Variants in PEPD observed in about 807,000 individuals in gnomAD.
The protein encoded by PEPD is xaa-Pro dipeptidase.
In PEPD, 53 loss-of-function variants were observed where a neutral mutation model predicts 60.7. That is an observed-to-expected ratio of 0.87 (90% CI 0.70 to 1.10). The LOEUF is 1.10. Among genes scored for constraint, PEPD ranks in the 50% least tolerant of loss-of-function variants. The pLI is 0.00. For missense variants in PEPD, 711 were observed against 711.9 expected (o/e 1.00, Z 0.01); for synonymous variants, 267 against 284.1 (o/e 0.94, Z 0.60).
At chr19:33,398,716 G>A (rs998350614) in intron 12 of PEPD, among the ~76,000 whole-genome samples, 1 of 152,268 alleles carries the variant, frequency 6.6e-6, no homozygotes, top group African/African-American at 2.4e-5. Context: ...CGACTGCTTC[G>A]TGGAGGCTGG....
chr19:33,432,010 A>AAAAAAAAAAAAAG (rs1031542443), intron 9 of PEPD, among the ~76,000 whole-genome samples: 2 of 147,502 alleles, frequency 1.4e-5, no homozygotes, highest in African/African-American at 5.1e-5. Flanking sequence ...AAAAAAAAAA[A>AAAAAAAAAAAAAG]GGGAAGATTA....
intron 3 of PEPD, 36 bp from the exon 4 acceptor site, chr19:33,501,037 C>T (rs776897873): frequency 2.1e-5 from 28 of 1,316,622 alleles, no homozygotes; most frequent in African/African-American, 2.9e-5. Flanking sequence ...AGGGTCAGGG[C>T]TTGGTAATGG....
intron 4 of PEPD, among the ~76,000 whole-genome samples, chr19:33,495,020 C>CA (rs1307016723): frequency 2.0e-5 from 3 of 151,928 alleles, no homozygotes; most frequent in Non-Finnish European, 4.4e-5. Flanking sequence ...CCTGTAGTCC[C>CA]AGCTACTCAG....
At chr19:33,491,319 GCA>G (rs1970495959) in intron 5 of PEPD, among the ~76,000 whole-genome samples, 1 of 151,968 alleles carries the variant, frequency 6.6e-6, no homozygotes, top group South Asian at 2.1e-4. Context: ...GTGTGGTGGT[GCA>G]TGCCTGTAAT....
chr19:33,400,195 G>A (rs1462845294), intron 12 of PEPD, among the ~76,000 whole-genome samples: 2 of 152,162 alleles, frequency 1.3e-5, no homozygotes, highest in Non-Finnish European at 2.9e-5. Context: ...GGGGCAAGCT[G>A]GGGGGGCTGG....
intron 11 of PEPD, among the ~76,000 whole-genome samples, chr19:33,408,125 G>T (rs1047934659): frequency 6.6e-6 from 1 of 152,250 alleles, no homozygotes; most frequent in African/African-American, 2.4e-5. Flanking sequence ...AGTAGGAGGG[G>T]GGCCTAGCCA....
chr19:33,394,768 G>A (rs1308882384), intron 12 of PEPD, among the ~76,000 whole-genome samples: 1 of 152,168 alleles, frequency 6.6e-6, no homozygotes, highest in African/African-American at 2.4e-5. Flanking sequence ...CCCCTAGCCA[G>A]CCTATACCCA....
At chr19:33,394,024 C>T (rs527591250) in intron 12 of PEPD, among the ~76,000 whole-genome samples, 1 of 152,382 alleles carries the variant, frequency 6.6e-6, no homozygotes, top group South Asian at 2.1e-4. Flanking sequence ...GCAGCCGTCC[C>T]CTGGACGGAT....
chr19:33,512,262 T>C (rs1459567590), intron 2 of PEPD, among the ~76,000 whole-genome samples: 1 of 152,184 alleles, frequency 6.6e-6, no homozygotes, highest in Non-Finnish European at 1.5e-5. Flanking sequence ...GGTATAATGC[T>C]AAGATGTGTG....
chr19:33,450,980 C>T (rs546892250), intron 9 of PEPD, among the ~76,000 whole-genome samples: 1 of 152,268 alleles, frequency 6.6e-6, no homozygotes, highest in South Asian at 2.1e-4. Flanking sequence ...GTTACTAACC[C>T]CTCCCTAAAA....
At chr19:33,453,173 G>C (rs954501781) in intron 9 of PEPD, among the ~76,000 whole-genome samples, 2 of 152,128 alleles carry the variant, frequency 1.3e-5, no homozygotes, top group African/African-American at 4.8e-5. Context: ...AATTAGCCAG[G>C]CATGGTGGCA....
chr19:33,462,942 T>C, intron 9 of PEPD, 53 bp downstream of exon 9: 3 of 1,144,070 alleles, frequency 2.6e-6, no homozygotes, highest in Non-Finnish European at 2.7e-6. Context: ...TCAGGGAACA[T>C]AAATTACTGT....
chr19:33,433,057 C>G (rs1056776939), intron 9 of PEPD, among the ~76,000 whole-genome samples: 1 of 151,998 alleles, frequency 6.6e-6, no homozygotes, highest in Non-Finnish European at 1.5e-5. Flanking sequence ...TCCCTCCATT[C>G]CTGAACAAGC....
intron 7 of PEPD, among the ~76,000 whole-genome samples, chr19:33,468,972 G>C (rs77532047): frequency 1.3e-5 from 2 of 152,104 alleles, no homozygotes; most frequent in African/African-American, 4.8e-5. Context: ...TCAGGCTCCC[G>C]AGGTCCGAAC....
intron 1 of PEPD, among the ~76,000 whole-genome samples, chr19:33,514,504 A>G (rs3786921): frequency 0.072 from 10,959 of 151,470 alleles, 529 homozygotes; most frequent in East Asian, 0.15. Context: ...TCCTTGCCCA[A>G]TCCCCTACTA....
intron 1 of PEPD, 53 bp from the exon 2 acceptor site, chr19:33,512,829 G>A: frequency 6.3e-7 from 1 of 1,594,000 alleles, no homozygotes; most frequent in South Asian, 1.1e-5. Flanking sequence ...GCATCTCCAA[G>A]CATGCCCACA....
At chr19:33,450,686 G>A (rs1969681123) in intron 9 of PEPD, among the ~76,000 whole-genome samples, 1 of 152,160 alleles carries the variant, frequency 6.6e-6, no homozygotes, top group South Asian at 2.1e-4. Context: ...ATGATGGTAA[G>A]ACAATGCAAA....
intron 1 of PEPD, among the ~76,000 whole-genome samples, chr19:33,515,281 G>A (rs1356772077): frequency 6.6e-6 from 1 of 152,118 alleles, no homozygotes; most frequent in Non-Finnish European, 1.5e-5. Context: ...GAAGGGTGGA[G>A]GGTCAGAAGC....
intron 9 of PEPD, among the ~76,000 whole-genome samples, chr19:33,415,964 C>T (rs1968880406): frequency 6.6e-6 from 1 of 152,204 alleles, no homozygotes; most frequent in Admixed American, 6.5e-5. Context: ...AACAGGTGGG[C>T]AAAACGAGCC....
Sources: gnomAD v4.1 joint callset for allele counts (sites outside exome capture counted in the v4.1 genomes callset) on GRCh38, gnomAD v4.1.1 for gene constraint, MANE v1.5 for transcripts, NCBI Gene and HGNC (gene_info 2026-07-23, HGNC 2026-07-21) for gene names.